Variants in SIDT1 observed in about 807,000 individuals in gnomAD.
SIDT1 encodes SID1 transmembrane family member 1, also known as SID1 transmembrane family, member 1.
In SIDT1, 101 loss-of-function variants were observed where a neutral mutation model predicts 107.5. That is an observed-to-expected ratio of 0.94 (90% CI 0.80 to 1.11). The LOEUF is 1.11. Among genes scored for constraint, SIDT1 ranks in the 50% least tolerant of loss-of-function variants. SIDT1 has a pLI of 0.00. For missense variants in SIDT1, 1,076 were observed against 1,058.2 expected, an observed-to-expected ratio of 1.02 and a Z score of -0.23; for synonymous variants, 395 against 398.2, an observed-to-expected ratio of 0.99 and a Z score of 0.10.
intron 3 of SIDT1, among the ~76,000 whole-genome samples, chr3:113,573,482 G>A (rs1328655452): frequency 6.6e-6 from 1 of 152,218 alleles, no homozygotes. Flanking sequence ...AAGGGGCTGA[G>A]TAGACACAGC....
Position 113,604,916 on chromosome 3 carries a change from C to T in SIDT1, c.1344C>T (p.Ile448=). Residue 448 remains isoleucine (I), a synonymous_variant, in exon 14 of 25, where the codon ATC becomes ATT. Transcript: ENST00000264852. The part of the protein sequence containing the change: ...SKKYKIYFWN[I]ITIAVFYALP... ...GTTCTTTCTGCCTGCATAGGAACAT[C>T]ATCACCATTGCTGTGTTTTACGCGC... is the stretch of plus-strand genomic sequence containing the variant. 6.2e-7 allele frequency: 1 copy of T among 1,614,090 alleles called. No individual in the cohort carries two copies. Among genetic ancestry groups the T allele is most frequent in the Non-Finnish European group, 8.5e-7 (1 of 1,180,016 alleles).
chr3:113,548,185 C>A (rs1939810488), intron 1 of SIDT1, among the ~76,000 whole-genome samples: 1 of 152,096 alleles, frequency 6.6e-6, no homozygotes, highest in African/African-American at 2.4e-5. Flanking sequence ...TCATTATTAA[C>A]AACTTGCATT....
intron 1 of SIDT1, among the ~76,000 whole-genome samples, chr3:113,543,882 T>C (rs1055311511): frequency 6.6e-6 from 1 of 152,202 alleles, no homozygotes; most frequent in Non-Finnish European, 1.5e-5. Context: ...CAATTGAGAG[T>C]AAGTTGCAGA....
chr3:113,553,128 C>G (rs1342801242), intron 1 of SIDT1, among the ~76,000 whole-genome samples: 1 of 152,158 alleles, frequency 6.6e-6, no homozygotes, highest in Non-Finnish European at 1.5e-5. Context: ...TGGCATAGAT[C>G]ATCTCTGCCA....
At chr3:113,556,599 A>G (rs1416677426) in intron 1 of SIDT1, among the ~76,000 whole-genome samples, 3 of 152,220 alleles carry the variant, frequency 2.0e-5, no homozygotes, top group African/African-American at 4.8e-5. Flanking sequence ...ACAGAGATTC[A>G]TCAATCAGGC....
At chr3:113,576,263 A>G (rs1179361162) in intron 3 of SIDT1, among the ~76,000 whole-genome samples, 1 of 152,160 alleles carries the variant, frequency 6.6e-6, no homozygotes, top group Non-Finnish European at 1.5e-5. Flanking sequence ...AATTGAAGAG[A>G]AAAAAACCTC....
At chr3:113,580,292 G>C (rs958809655) in intron 4 of SIDT1, among the ~76,000 whole-genome samples, 13 of 152,190 alleles carry the variant, frequency 8.5e-5, no homozygotes, top group African/African-American at 2.9e-4. Flanking sequence ...AAGGGGGCAG[G>C]ATGCTTCTTA....
intron 1 of SIDT1, among the ~76,000 whole-genome samples, chr3:113,554,107 G>T (rs1433717156): frequency 6.6e-6 from 1 of 152,134 alleles, no homozygotes; most frequent in Non-Finnish European, 1.5e-5. Flanking sequence ...GACAGAAAAT[G>T]ATTAGCTCTT....
intron 9 of SIDT1, 94 bp from the exon 10 acceptor site, chr3:113,592,911 T>C: frequency 1.0e-6 from 1 of 998,640 alleles, no homozygotes; most frequent in Non-Finnish European, 1.6e-6. Context: ...GAAGAGATCC[T>C]AGTAGACAAA....
chr3:113,550,231 T>A (rs1343043420), intron 1 of SIDT1, among the ~76,000 whole-genome samples: 2 of 152,360 alleles, frequency 1.3e-5, no homozygotes, highest in East Asian at 1.9e-4. Context: ...AAATTTCTTA[T>A]GAACATGGTC....
chr3:113,536,591 T>C (rs887507519), intron 1 of SIDT1, among the ~76,000 whole-genome samples: 4 of 152,224 alleles, frequency 2.6e-5, no homozygotes, highest in African/African-American at 9.6e-5. Context: ...GAGCCATTGC[T>C]CCTAATCTTT....
chr3:113,627,545 G>A, intron 24 of SIDT1, 101 bp from the exon 25 acceptor site: 1 of 1,071,220 alleles, frequency 9.3e-7, no homozygotes, highest in Non-Finnish European at 1.4e-6. Context: ...GAATGAGAGG[G>A]AACTAACAGT....
chr3:113,547,944 A>T (rs1939782534), intron 1 of SIDT1, among the ~76,000 whole-genome samples: 4 of 152,112 alleles, frequency 2.6e-5, no homozygotes, highest in Admixed American at 2.0e-4. Context: ...TGAATAAAAT[A>T]CTTTATTTCT....
chr3:113,630,908 A>G (rs1472576642), downstream of SIDT1, among the ~76,000 whole-genome samples: 1 of 152,064 alleles, frequency 6.6e-6, no homozygotes, highest in Non-Finnish European at 1.5e-5. Context: ...TCTTCATTGA[A>G]ACCAACTGTT....
At chr3:113,600,883 C>A (rs556162866) in intron 10 of SIDT1, among the ~76,000 whole-genome samples, 5 of 152,286 alleles carry the variant, frequency 3.3e-5, no homozygotes, top group Admixed American at 3.3e-4. Context: ...AGGGGATCTC[C>A]AAGCCTAGTA....
chr3:113,622,780 T>G (rs1044961619), intron 21 of SIDT1, among the ~76,000 whole-genome samples: 2 of 152,154 alleles, frequency 1.3e-5, no homozygotes, highest in African/African-American at 4.8e-5. Flanking sequence ...CCGAAGAATG[T>G]GGGAAGACAC....
chr3:113,590,844 T>C (rs936588309), intron 9 of SIDT1, among the ~76,000 whole-genome samples: 23 of 152,192 alleles, frequency 1.5e-4, no homozygotes, highest in African/African-American at 5.3e-4. Flanking sequence ...CCCATGTGCA[T>C]GGATTGGAAG....
chr3:113,612,028 T>G lies in SIDT1; in HGVS notation c.1858-58T>G. 5.5e-6 allele frequency: 7 copies of G among 1,263,864 alleles called. No homozygotes were observed. The South Asian group carries it at 7.2e-5, about 13-fold the overall frequency. The allele number at this position is 1,263,864 out of a possible 1,614,324, so 78.3% of individuals were successfully genotyped here. On this transcript the variant is annotated intron_variant, in intron 18 of 24. Coordinates refer to ENST00000264852, the MANE Select transcript of SIDT1 (RefSeq NM_017699.3). The stretch of plus-strand genomic sequence containing the variant: ...TTACACATACAGGAGAGAGGATGAT[T>G]TTGATGAGTTTTCTAGGGAAAACCT...
intron 9 of SIDT1, among the ~76,000 whole-genome samples, chr3:113,586,014 A>G (rs1276622929): frequency 6.6e-6 from 1 of 152,224 alleles, no homozygotes; most frequent in Non-Finnish European, 1.5e-5. Flanking sequence ...ACATGTAAAG[A>G]AAACAAAGCC....
Sources: allele counts gnomAD v4.1 joint callset (sites outside exome capture counted in the v4.1 genomes callset), GRCh38; gene constraint gnomAD v4.1.1; transcripts MANE v1.5; gene names NCBI Gene and HGNC (gene_info 2026-07-23, HGNC 2026-07-21).